Variants in PDE4C observed in about 807,000 individuals in gnomAD.
PDE4C encodes the protein phosphodiesterase 4C, also known as 3',5'-cyclic-AMP phosphodiesterase 4C.
In PDE4C, 50 loss-of-function variants were observed where a neutral mutation model predicts 63.9. The observed-to-expected ratio is 0.78, with a 90% CI of 0.62 to 0.99. PDE4C has a LOEUF of 0.99. Among genes scored for constraint, PDE4C ranks in the 50% least tolerant of loss-of-function variants. The pLI, the probability that PDE4C is intolerant of heterozygous loss-of-function variation, is 0.00. For missense variants in PDE4C, 777 were observed against 899.1 expected, an observed-to-expected ratio of 0.86 and a Z score of 1.74; for synonymous variants, 377 against 385.1, an observed-to-expected ratio of 0.98 and a Z score of 0.25.
chr19:18,250,995 T>G (rs1235918539), upstream of PDE4C, among the ~76,000 whole-genome samples: 1 of 152,126 alleles, frequency 6.6e-6, no homozygotes, highest in African/African-American at 2.4e-5. Flanking sequence ...AGGCTGGTCT[T>G]GAACTCATTG....
chr19:18,254,974 T>G, the PDE4C span, among the ~76,000 whole-genome samples: 2 of 152,234 alleles, frequency 1.3e-5, no homozygotes, highest in African/African-American at 4.8e-5. Context: ...ATCTGTGGCC[T>G]CCAGCAGGTT....
chr19:18,251,118 GAGAT>G (rs2148081632), upstream of PDE4C, among the ~76,000 whole-genome samples: 1 of 143,592 alleles, frequency 7.0e-6, no homozygotes, highest in African/African-American at 2.6e-5. Context: ...ATTTATTTTT[GAGAT>G]AGAGTCTTTT....
chr19:18,225,314 C>G (rs1057307162), intron 1 of PDE4C, among the ~76,000 whole-genome samples: 31 of 152,184 alleles, frequency 2.0e-4, no homozygotes, highest in African/African-American at 7.2e-4. Context: ...GCGCCCTCGA[C>G]GTCCCTGCGC....
upstream of PDE4C, chr19:18,252,491 G>A (rs1436269906): frequency 2.6e-5 from 10 of 386,648 alleles, no homozygotes; most frequent in Non-Finnish European, 4.0e-5. Flanking sequence ...AAAACTGGGC[G>A]CGGTGGCTCA....
rs144322134 is a variant in PDE4C, at chr19:18,211,924, C to T, written c.1530G>A (p.Val510=). ...TGGGGTTGCTCAGATCAGCACAGTG[C>T]ACCAGGTTCTGCAAGACCTACAGAG... The change falls in exon 14 of 15, where the codon GTG becomes GTA. Residue 510 remains valine (V), a synonymous_variant. Transcript: ENST00000262805. 4.3e-6 allele frequency: 7 copies of T among 1,614,044 alleles called. No individual in the cohort carries two copies. The Admixed American group carries it at 1.0e-4, about 23-fold the overall frequency.
rs1968205056 is a variant in PDE4C, at chr19:18,216,611, G to C, written c.1389+130C>G. 3 of 883,154 alleles carry C rather than the reference G, an allele frequency of 3.4e-6. No individual in the cohort carries two copies. In the South Asian group the frequency reaches 5.3e-5, roughly 16 times the overall value. 54.7% of individuals were successfully genotyped at this position (883,154 alleles called of 1,614,324 possible). A position where few individuals can be genotyped will look rare whatever the true frequency, so the allele number is the denominator to read the frequency against. ...TTTCACAGATGAGGAAGCTCAGACA[G>C]AGTGAGGACATGCCTGGGTCTGGAT... On this transcript the variant is annotated intron_variant, in intron 12 of 14. Coordinates refer to ENST00000262805, the Ensembl canonical transcript of PDE4C.
chr19:18,211,463 C>T (rs1486169551), intron 14 of PDE4C, among the ~76,000 whole-genome samples, 187 bp from the exon 15 acceptor site: 1 of 152,168 alleles, frequency 6.6e-6, no homozygotes, highest in African/African-American at 2.4e-5. Context: ...CCCTTCTGGC[C>T]TCCTCCAACC....
intron 1 of PDE4C, 78 bp from the exon 2 acceptor site, chr19:18,222,401 G>A (rs893538373): frequency 1.3e-5 from 17 of 1,336,014 alleles, no homozygotes; most frequent in Middle Eastern, 2.7e-4. Flanking sequence ...TGTCTGGTGC[G>A]TCCTCCCTGG....
chr19:18,237,396 A>G (rs1422399774), upstream of PDE4C, among the ~76,000 whole-genome samples: 1 of 152,028 alleles, frequency 6.6e-6, no homozygotes, highest in African/African-American at 2.4e-5. Flanking sequence ...TACTAAAAAT[A>G]CAACATTAGC....
upstream of PDE4C, among the ~76,000 whole-genome samples, chr19:18,249,730 G>A (rs1969206776): frequency 6.6e-6 from 1 of 151,974 alleles, no homozygotes; most frequent in Admixed American, 6.6e-5. Context: ...CTGCCACCAC[G>A]CTCAGCTAAT....
At chr19:18,251,491 G>A (rs981288493), upstream of PDE4C, among the ~76,000 whole-genome samples, 38 of 151,626 alleles carry the variant, frequency 2.5e-4, no homozygotes, top group Admixed American at 2.1e-3. Flanking sequence ...CTGGAGTGCA[G>A]TGGCACGATC....
upstream of PDE4C, among the ~76,000 whole-genome samples, chr19:18,229,849 T>C (rs142823809): frequency 6.6e-6 from 1 of 152,100 alleles, no homozygotes; most frequent in Non-Finnish European, 1.5e-5. Context: ...CAGATCTGAA[T>C]TCACACCTCC....
At chr19:18,211,145 A>G in exon 15 of PDE4C, 1 of 1,613,972 alleles carries the variant, frequency 6.2e-7, no homozygotes, top group African/African-American at 1.3e-5. Context: ...GGTCTGAGGG[A>G]CTTCGGGGGA....
chr19:18,220,514 C>T lies in PDE4C; in HGVS notation c.501G>A (p.Glu167=), dbSNP rs779515011. Residue 167 remains glutamate (E), a splice_region_variant and synonymous_variant, in exon 6 of 15, where the codon GAG becomes GAA. Coordinates refer to ENST00000262805, the Ensembl canonical transcript of PDE4C. The surrounding 1 kb of genome is among the most constrained non-coding windows in gnomAD (Gnocchi z 5.1). ...CCAATGCCAGCTTCTGCCCCGTGTC[C>T]TCTGGGAGCCGAGGCAGTCAGGGGC... The T allele has an allele frequency of 6.2e-7, 1 of 1,611,068 alleles. No individual in the cohort carries two copies. Among genetic ancestry groups the T allele is most frequent in the Admixed American group, 1.7e-5 (1 of 59,594 alleles).
chr19:18,218,573 T>G, intron 9 of PDE4C, 75 bp from the exon 10 acceptor site: 1 of 1,530,866 alleles, frequency 6.5e-7, no homozygotes, highest in South Asian at 1.2e-5. Context: ...CCCTCTCTTC[T>G]GAACTCCTAT....
At chr19:18,211,926 C>A in exon 14 of PDE4C, 1 of 1,614,122 alleles carries the variant, frequency 6.2e-7, no homozygotes. Context: ...GCACAGTGCA[C>A]CAGGTTCTGC....
At chr19:18,224,815 G>A (rs1189627750) in intron 1 of PDE4C, among the ~76,000 whole-genome samples, 1 of 152,222 alleles carries the variant, frequency 6.6e-6, no homozygotes, top group Non-Finnish European at 1.5e-5. Context: ...TCCCTGGCCC[G>A]TCTGGGGTGC....
chr19:18,236,023 A>T (rs2148059206), upstream of PDE4C, among the ~76,000 whole-genome samples: 1 of 151,710 alleles, frequency 6.6e-6, no homozygotes, highest in African/African-American at 2.4e-5. Flanking sequence ...GCTCACTGCA[A>T]GCTCTGCCTC....
chr19:18,242,475 CAA>C (rs748870873), intron 1 of PDE4C, among the ~76,000 whole-genome samples: 2 of 29,814 alleles, frequency 6.7e-5, no homozygotes, highest in African/African-American at 2.8e-4. Flanking sequence ...GACTCCATCT[CAA>C]AAAAAAAAAA....
Sources: gnomAD v4.1 joint callset for allele counts (sites outside exome capture counted in the v4.1 genomes callset) on GRCh38, gnomAD v4.1.1 for gene constraint, Gnocchi (gnomAD v3.1) non-coding constraint, MANE v1.5 for transcripts, NCBI Gene and HGNC (gene_info 2026-07-23, HGNC 2026-07-21) for gene names.